The following PCTP variants were observed in gnomAD, a reference collection of about 807,000 sequenced individuals.
PCTP encodes the protein START domain-containing protein 2.
A neutral mutation model predicts 31.0 loss-of-function variants in PCTP; 27 were observed. The observed-to-expected ratio is 0.87, with a 90% CI of 0.64 to 1.20. PCTP has a LOEUF of 1.20. Among genes scored for constraint, PCTP ranks in the 50% most tolerant of loss-of-function variants. The pLI is 0.00. For synonymous variants in PCTP, 108 were observed against 101.2 expected, an observed-to-expected ratio of 1.07 and a Z score of -0.40; for missense variants, 287 against 268.2, an observed-to-expected ratio of 1.07 and a Z score of -0.49.
At chr17:55,839,640 G>A (rs972065632) in intron 5 of PCTP, among the ~76,000 whole-genome samples, 1 of 152,310 alleles carries the variant, frequency 6.6e-6, no homozygotes, top group African/African-American at 2.4e-5. Flanking sequence ...ACAACAACTG[G>A]CCGGGCGCGG....
chr17:55,770,825 T>G (rs1910946619), intron 2 of PCTP: 1 of 256,736 alleles, frequency 3.9e-6, no homozygotes. Flanking sequence ...GCTTGGATGA[T>G]CCTCCTACCT....
chr17:55,758,056 A>G (rs1910140987), intron 1 of PCTP, among the ~76,000 whole-genome samples: 1 of 152,206 alleles, frequency 6.6e-6, no homozygotes, highest in South Asian at 2.1e-4. Context: ...AGGCCCTTGC[A>G]GGAACTTCAG....
At chr17:55,760,781 G>T (rs1424668598) in intron 1 of PCTP, among the ~76,000 whole-genome samples, 1 of 152,156 alleles carries the variant, frequency 6.6e-6, no homozygotes, top group East Asian at 1.9e-4. Context: ...GGACTCAGGG[G>T]AGCATCTCAG....
chr17:55,770,802 C>G (rs1240943234), intron 2 of PCTP: 1 of 229,534 alleles, frequency 4.4e-6, no homozygotes, highest in African/African-American at 2.3e-5. Flanking sequence ...TCACTGCAGC[C>G]TTGACCTGCT....
intron 1 of PCTP, chr17:55,751,547 C>A: frequency 2.1e-6 from 3 of 1,435,490 alleles, no homozygotes; most frequent in Non-Finnish European, 2.8e-6. Flanking sequence ...GTTCCTAGGC[C>A]CGTGCACACG....
At chr17:55,813,458 T>A (rs1043627408) in intron 3 of PCTP, among the ~76,000 whole-genome samples, 3 of 151,964 alleles carry the variant, frequency 2.0e-5, no homozygotes, top group Non-Finnish European at 4.4e-5. Flanking sequence ...ACAGGTTTTT[T>A]TGTGTTTCAG....
intron 5 of PCTP, among the ~76,000 whole-genome samples, chr17:55,836,446 C>G (rs867847431): frequency 3.4e-4 from 51 of 152,118 alleles, no homozygotes; most frequent in African/African-American, 1.2e-3. Flanking sequence ...CTTTTGTCTG[C>G]CTGTGAGGTG....
intron 2 of PCTP, among the ~76,000 whole-genome samples, chr17:55,782,728 G>A (rs1384811398): frequency 2.0e-5 from 3 of 152,042 alleles, no homozygotes; most frequent in Non-Finnish European, 4.4e-5. Context: ...TCTGCCCAGA[G>A]TGCCCTGCTC....
At chr17:55,811,162 A>C (rs1912738661) in intron 3 of PCTP, among the ~76,000 whole-genome samples, 1 of 152,204 alleles carries the variant, frequency 6.6e-6, no homozygotes, top group Admixed American at 6.5e-5. Context: ...GTTGTCATAT[A>C]TTTCAAACAG....
intron 3 of PCTP, among the ~76,000 whole-genome samples, chr17:55,804,996 A>G (rs558745684): frequency 6.6e-6 from 1 of 152,296 alleles, no homozygotes; most frequent in South Asian, 2.1e-4. Flanking sequence ...AGGTAGAACA[A>G]CCATGCATTT....
In PCTP at chr17:55,773,825, TG is replaced by T; in HGVS notation, c.445del (p.Val149Ter). 1.2e-6 allele frequency: 2 copies of T among 1,613,564 alleles called. No homozygotes were observed. The highest frequency in any genetic ancestry group is 1.7e-6 in the Non-Finnish European group (2 of 1,179,832). On this transcript the variant is annotated frameshift_variant, in exon 4 of 6. Coordinates refer to ENST00000268896, the MANE Select transcript of PCTP (RefSeq NM_021213.4). LOFTEE classifies it high-confidence loss of function. ...CCATGCCTCAGCTTGGCGAGAGGTC[TG>T]GGGTGATCCGGGTGAAGCAATACAA... ...TSMPQLGERS[G>X]VIRVKQYKQS...
chr17:55,776,114 G>A lies in PCTP; in HGVS notation c.*14G>A. ...AAGAAAACCTAAGAAAGAGAACTGG[G>A]AACATTGCATCCATGGGTTGATGTC... On this transcript the variant is annotated 3_prime_UTR_variant, in exon 6 of 6. Coordinates refer to ENST00000268896, the MANE Select transcript of PCTP (RefSeq NM_021213.4). The A allele has an allele frequency of 3.1e-6, 5 of 1,613,796 alleles. No homozygotes were observed. Among genetic ancestry groups the A allele is most frequent in the Non-Finnish European group, 3.4e-6 (4 of 1,179,872 alleles).
At chr17:55,772,260 T>G (rs999766912) in intron 3 of PCTP, among the ~76,000 whole-genome samples, 1 of 150,982 alleles carries the variant, frequency 6.6e-6, no homozygotes, top group African/African-American at 2.4e-5. Flanking sequence ...GACTGTCCAA[T>G]GTGAGGGTGG....
At chr17:55,831,362 T>G (rs998805456) in intron 5 of PCTP, among the ~76,000 whole-genome samples, 1 of 152,186 alleles carries the variant, frequency 6.6e-6, no homozygotes, top group Non-Finnish European at 1.5e-5. Context: ...AAGGCACCAC[T>G]TTGTGGTGCA....
At chr17:55,831,779 G>T (rs1905604816) in intron 5 of PCTP, among the ~76,000 whole-genome samples, 1 of 152,084 alleles carries the variant, frequency 6.6e-6, no homozygotes. Flanking sequence ...CAGACATTTT[G>T]CCATCAAAAC....
the PCTP span, among the ~76,000 whole-genome samples, chr17:55,851,118 C>T: frequency 4.6e-5 from 7 of 152,100 alleles, no homozygotes; most frequent in African/African-American, 1.7e-4. Context: ...TGGACTAGGG[C>T]AAGGGGAAGG....
chr17:55,809,547 A>G (rs1598010814), intron 3 of PCTP, among the ~76,000 whole-genome samples: 1 of 146,754 alleles, frequency 6.8e-6, no homozygotes, highest in Admixed American at 6.8e-5. Flanking sequence ...TTTGGAGACG[A>G]AGTCTTGCTC....
downstream of PCTP, among the ~76,000 whole-genome samples, chr17:55,827,092 G>A (rs11079195): frequency 2.0e-5 from 3 of 150,774 alleles, no homozygotes; most frequent in South Asian, 2.1e-4. Flanking sequence ...ATCCAAGCTC[G>A]TTGCAATTTG....
chr17:55,767,485 A>T (rs772718217), intron 2 of PCTP, 33 bp downstream of exon 2: 1 of 1,439,770 alleles, frequency 6.9e-7, no homozygotes, highest in East Asian at 2.3e-5. Flanking sequence ...TTTTTTTTAG[A>T]CGTACTTTCA....
Sources: gnomAD v4.1 joint callset for allele counts (sites outside exome capture counted in the v4.1 genomes callset) on GRCh38, gnomAD v4.1.1 for gene constraint, MANE v1.5 for transcripts, NCBI Gene and HGNC (gene_info 2026-07-23, HGNC 2026-07-21) for gene names.